ZC2HC1A: variants seen among roughly 807,000 people sequenced by gnomAD.
ZC2HC1A encodes zinc finger C2HC domain-containing protein 1A.
In ZC2HC1A, 28 loss-of-function variants were observed where a neutral mutation model predicts 40.7. The observed-to-expected ratio is 0.69, with a 90% CI of 0.51 to 0.94. The LOEUF (loss-of-function observed/expected upper bound fraction) is 0.94, where lower values mean the gene tolerates loss of function less well. Ranked by LOEUF, ZC2HC1A falls within the 40% of genes least tolerant of loss-of-function variation. The probability of loss-of-function intolerance (pLI) is 0.00; values close to 1 mark genes in which losing one functional copy is unlikely to be tolerated. For synonymous variants in ZC2HC1A, 129 were observed against 129.2 expected (o/e 1.00, Z 0.01); for missense variants, 389 against 386.3 (o/e 1.01, Z -0.06).
At chr8:78,690,285 T>C (rs905469317) in intron 5 of ZC2HC1A, among the ~76,000 whole-genome samples, 1 of 152,174 alleles carries the variant, frequency 6.6e-6, no homozygotes, top group East Asian at 1.9e-4. Context: ...GGCAGCCGGG[T>C]GCAGTGGCTC....
chr8:78,683,325 C>G (rs1377414401), intron 3 of ZC2HC1A, among the ~76,000 whole-genome samples: 1 of 152,254 alleles, frequency 6.6e-6, no homozygotes, highest in Non-Finnish European at 1.5e-5. Flanking sequence ...AAACTTCTTC[C>G]TGGACATCCA....
chr8:78,666,335 G>A (rs891738276), intron 1 of ZC2HC1A, among the ~76,000 whole-genome samples, 171 bp downstream of exon 1: 2 of 152,210 alleles, frequency 1.3e-5, no homozygotes, highest in Non-Finnish European at 2.9e-5. Flanking sequence ...TCCCCGATGC[G>A]GTGGAGCTAA....
Position 78,697,498 on chromosome 8 carries a change from C to G in ZC2HC1A, c.596C>G (p.Thr199Ser). The G allele has an allele frequency of 1.2e-6, 2 of 1,606,884 alleles. No individual in the cohort carries two copies. Among genetic ancestry groups the G allele is most frequent in the South Asian group, 2.2e-5 (2 of 89,422 alleles). ...RLPQPSGAGK[T>S]VVGVPSGKVS... The stretch of plus-strand genomic sequence containing the variant: ...CCGCAGCCAAGTGGCGCTGGCAAAA[C>G]TGTTGTAGGTAATGATAGCCGAAAA... The change falls in exon 6 of 9, where the codon ACT (threonine) becomes AGT (serine). Residue 199 changes from threonine to serine, a missense_variant. Coordinates refer to ENST00000263849, the MANE Select transcript of ZC2HC1A (RefSeq NM_016010.3).
chr8:78,690,654 A>C (rs1810180875), intron 5 of ZC2HC1A, among the ~76,000 whole-genome samples: 1 of 152,106 alleles, frequency 6.6e-6, no homozygotes, highest in Non-Finnish European at 1.5e-5. Flanking sequence ...GACTTCTAGC[A>C]TTTGAGATTA....
At chr8:78,708,876 G>A (rs1422283999) in intron 7 of ZC2HC1A, among the ~76,000 whole-genome samples, 1 of 151,900 alleles carries the variant, frequency 6.6e-6, no homozygotes, top group African/African-American at 2.4e-5. Context: ...CACCATGTTA[G>A]GCTGGTCTCA....
In ZC2HC1A at chr8:78,687,721, A is replaced by G. The variant is rs1260719048; in HGVS notation, c.352+1113A>G. Among the ~76,000 whole-genome samples the G allele has an allele frequency of 2.6e-5, 2 of 76,370 alleles. 1 individual carries two copies. Among genetic ancestry groups the G allele is most frequent in the Non-Finnish European group, 5.7e-5 (2 of 34,802 alleles). 50.1% of individuals were successfully genotyped at this position (76,370 alleles called of 152,430 possible). A position where few individuals can be genotyped will look rare whatever the true frequency, so the allele number is the denominator to read the frequency against. On this transcript the variant is annotated intron_variant, in intron 4 of 8. Coordinates refer to ENST00000263849, the MANE Select transcript of ZC2HC1A (RefSeq NM_016010.3). ...AATACATTATATATATATTTACGTAATACATTATATATATTTATGTAATAC... is the reference window on the plus strand; with the variant it reads ...AATACATTATATATATATTTACGTAGTACATTATATATATTTATGTAATAC...
chr8:78,686,413 A>T, intron 3 of ZC2HC1A, 54 bp from the exon 4 acceptor site: 1 of 1,260,298 alleles, frequency 7.9e-7, no homozygotes, highest in South Asian at 2.5e-5. Context: ...ATTTCAATAT[A>T]CTAAAAAGAT....
chr8:78,719,439 T>C lies in ZC2HC1A; in HGVS notation c.*1946T>C, dbSNP rs187312995. 5.9e-5 allele frequency: 9 copies of C among 151,910 alleles called. No homozygotes were observed. The East Asian group carries it at 1.4e-3, about 23-fold the overall frequency. 9.4% of individuals were successfully genotyped at this position (151,910 alleles called of 1,614,324 possible). A position where few individuals can be genotyped will look rare whatever the true frequency, so the allele number is the denominator to read the frequency against. Reference sequence around the variant, plus strand: ...AAATAGATTTATGACTTACGAAATATGTTGTGACAATATATTTAAATGCAT... The same window carrying C: ...AAATAGATTTATGACTTACGAAATACGTTGTGACAATATATTTAAATGCAT... On this transcript the variant is annotated 3_prime_UTR_variant, in exon 9 of 9. Coordinates refer to ENST00000263849, the MANE Select transcript of ZC2HC1A (RefSeq NM_016010.3).
intron 7 of ZC2HC1A, among the ~76,000 whole-genome samples, chr8:78,703,138 C>T (rs953162024): frequency 6.6e-6 from 1 of 152,170 alleles, no homozygotes; most frequent in African/African-American, 2.4e-5. Context: ...CTCAGGTCAT[C>T]TGCCTGTCTC....
chr8:78,673,812 A>G (rs1199022505), intron 1 of ZC2HC1A, among the ~76,000 whole-genome samples: 1 of 152,136 alleles, frequency 6.6e-6, no homozygotes, highest in Non-Finnish European at 1.5e-5. Context: ...TGTGTTTTAT[A>G]TATATCTTTA....
chr8:78,667,031 G>T (rs1053331067), intron 1 of ZC2HC1A, among the ~76,000 whole-genome samples: 1 of 152,176 alleles, frequency 6.6e-6, no homozygotes, highest in Admixed American at 6.5e-5. Flanking sequence ...AGATCCTATT[G>T]TCTTGATTTA....
intron 7 of ZC2HC1A, among the ~76,000 whole-genome samples, chr8:78,708,821 G>A (rs963400350): frequency 1.3e-4 from 19 of 151,964 alleles, no homozygotes; most frequent in African/African-American, 4.6e-4. Context: ...GCTGGGACAG[G>A]TGTGTGCTAC....
intron 1 of ZC2HC1A, among the ~76,000 whole-genome samples, chr8:78,666,957 T>C (rs1809317450): frequency 6.6e-6 from 1 of 152,228 alleles, no homozygotes; most frequent in South Asian, 2.1e-4. Context: ...ATAACTAGCA[T>C]TGGCAACAAC....
chr8:78,685,034 G>A (rs1809920185), intron 3 of ZC2HC1A, among the ~76,000 whole-genome samples: 1 of 151,966 alleles, frequency 6.6e-6, no homozygotes, highest in Non-Finnish European at 1.5e-5. Context: ...GATTAAAAAA[G>A]CTTAATAAAA....
intron 1 of ZC2HC1A, 131 bp downstream of exon 1, chr8:78,666,295 C>G (rs568739670): frequency 6.9e-7 from 1 of 1,455,912 alleles, no homozygotes. Context: ...GCCGCGCCTC[C>G]GGAGGCTGGG....
intron 7 of ZC2HC1A, among the ~76,000 whole-genome samples, chr8:78,701,406 G>C (rs1402465436): frequency 1.3e-5 from 2 of 152,100 alleles, no homozygotes; most frequent in African/African-American, 4.8e-5. Context: ...GATATAATGG[G>C]GTTTTCTAGA....
intron 5 of ZC2HC1A, among the ~76,000 whole-genome samples, chr8:78,696,788 T>C (rs1034243220): frequency 2.0e-5 from 3 of 152,194 alleles, no homozygotes; most frequent in African/African-American, 7.2e-5. Flanking sequence ...TAGGTCATCT[T>C]ACGGTTTTTA....
intron 4 of ZC2HC1A, 131 bp downstream of exon 4, chr8:78,686,739 GT>G: frequency 1.0e-6 from 1 of 977,104 alleles, no homozygotes; most frequent in Non-Finnish European, 1.3e-6. Context: ...AAAATTTGGT[GT>G]AAAATGGTGG....
intron 7 of ZC2HC1A, among the ~76,000 whole-genome samples, chr8:78,704,366 T>A (rs1810701792): frequency 7.2e-6 from 1 of 139,082 alleles, no homozygotes; most frequent in Non-Finnish European, 1.5e-5. Flanking sequence ...CCAGCCTGGG[T>A]GACAGAGTGA....
Sources: allele counts gnomAD v4.1 joint callset (sites outside exome capture counted in the v4.1 genomes callset), GRCh38; gene constraint gnomAD v4.1.1; transcripts MANE v1.5; gene names NCBI Gene and HGNC (gene_info 2026-07-23, HGNC 2026-07-21).